The following TOX2 variants were observed in gnomAD, a reference collection of about 807,000 sequenced individuals.
The protein encoded by TOX2 is TOX high mobility group box family member 2.
A neutral mutation model predicts 47.4 loss-of-function variants in TOX2; 15 were observed. The observed-to-expected ratio is 0.32, with a 90% CI of 0.21 to 0.49. TOX2 has a LOEUF of 0.49. Ranked by LOEUF, TOX2 falls within the 20% of genes least tolerant of loss-of-function variation. TOX2 has a pLI of 0.99. For synonymous variants in TOX2, 290 were observed against 296.6 expected (o/e 0.98, Z 0.23); for missense variants, 622 against 673.1 (o/e 0.92, Z 0.84).
chr20:43,953,341 G>C (rs6065676), intron 1 of TOX2, among the ~76,000 whole-genome samples: 62 of 152,174 alleles, frequency 4.1e-4, no homozygotes, highest in African/African-American at 1.4e-3. Context: ...CATAGAAGCC[G>C]CCTCTGTCTG....
chr20:43,938,650 C>T (rs1320813044), intron 1 of TOX2, among the ~76,000 whole-genome samples: 1 of 152,192 alleles, frequency 6.6e-6, no homozygotes, highest in East Asian at 1.9e-4. Flanking sequence ...AGAGCCTCAG[C>T]TCTTTACCCG....
intron 2 of TOX2, among the ~76,000 whole-genome samples, chr20:43,984,215 T>C (rs2070222941): frequency 6.6e-6 from 1 of 152,204 alleles, no homozygotes; most frequent in South Asian, 2.1e-4. Flanking sequence ...AAAATAATTA[T>C]GGTTGTGTTA....
At chr20:43,941,360 T>C (rs1413532515) in intron 1 of TOX2, among the ~76,000 whole-genome samples, 1 of 149,530 alleles carries the variant, frequency 6.7e-6, no homozygotes, top group Non-Finnish European at 1.5e-5. Flanking sequence ...GAGACAGAAT[T>C]TCGCTCTTGT....
intron 3 of TOX2, among the ~76,000 whole-genome samples, chr20:44,008,642 C>T (rs1307299869): frequency 6.6e-6 from 1 of 151,924 alleles, no homozygotes; most frequent in African/African-American, 2.4e-5. Context: ...TTTTTTTATA[C>T]CACAGAAAAA....
intron 1 of TOX2, among the ~76,000 whole-genome samples, chr20:43,959,572 G>A (rs2069723497): frequency 6.6e-6 from 1 of 152,174 alleles, no homozygotes; most frequent in Admixed American, 6.5e-5. Context: ...CGCTGTCGTT[G>A]ACATATTTCC....
At position 44,028,970 on chromosome 20, in the gene TOX2, C is replaced by T. The variant is rs538011995; in HGVS notation, c.411+22178C>T. On this transcript the variant is annotated intron_variant, in intron 3 of 8. Transcript: ENST00000341197. ...GCACAGGGGAACCTGCTGGGCCATC[C>T]CCCACTCACACACCACTCTGGACCC... is the stretch of plus-strand genomic sequence containing the variant. Among the ~76,000 whole-genome samples the T allele has an allele frequency of 1.4e-4, 22 of 152,270 alleles. No homozygotes were observed. In the East Asian group the frequency reaches 2.3e-3, roughly 16 times the overall value.
intron 1 of TOX2, among the ~76,000 whole-genome samples, chr20:43,961,757 G>A (rs1479990784): frequency 6.6e-6 from 1 of 152,064 alleles, no homozygotes; most frequent in Non-Finnish European, 1.5e-5. Context: ...GCTTCGATGA[G>A]ACTCTGGGGA....
At chr20:44,007,039 G>C (rs756833839) in intron 3 of TOX2, among the ~76,000 whole-genome samples, 1 of 152,132 alleles carries the variant, frequency 6.6e-6, no homozygotes, top group Non-Finnish European at 1.5e-5. Flanking sequence ...GGAGCTCTGC[G>C]TACAGTATCT....
At chr20:44,046,837 T>C (rs1476525077) in intron 3 of TOX2, among the ~76,000 whole-genome samples, 4 of 152,210 alleles carry the variant, frequency 2.6e-5, no homozygotes, top group Non-Finnish European at 5.9e-5. Context: ...GACACAATAG[T>C]CTGTATACCA....
intron 1 of TOX2, among the ~76,000 whole-genome samples, chr20:43,952,472 C>G (rs746323548): frequency 3.9e-5 from 6 of 152,338 alleles, no homozygotes; most frequent in African/African-American, 1.2e-4. Context: ...GGGTTGGGCT[C>G]TGCTCCACAG....
At chr20:44,010,517 G>A (rs1668711395) in intron 3 of TOX2, among the ~76,000 whole-genome samples, 1 of 152,218 alleles carries the variant, frequency 6.6e-6, no homozygotes, top group African/African-American at 2.4e-5. Context: ...CAGATAAGGA[G>A]ATGTACATGC....
chr20:44,052,467 G>A (rs529641683), intron 4 of TOX2, among the ~76,000 whole-genome samples: 10 of 152,266 alleles, frequency 6.6e-5, no homozygotes, highest in South Asian at 2.1e-4. Flanking sequence ...TCCTTTCCAC[G>A]TGGTGGCCTC....
intron 1 of TOX2, among the ~76,000 whole-genome samples, chr20:43,943,313 A>T (rs923753847): frequency 1.3e-5 from 2 of 152,126 alleles, no homozygotes; most frequent in African/African-American, 4.8e-5. Context: ...TCTCCTACAG[A>T]TGGTGGGGTT....
chr20:43,980,921 G>T (rs2070159206), intron 2 of TOX2, among the ~76,000 whole-genome samples: 2 of 152,150 alleles, frequency 1.3e-5, no homozygotes, highest in Admixed American at 1.3e-4. Flanking sequence ...GTAGACAAAA[G>T]TTGGGCAAGA....
At chr20:44,021,801 G>GA (rs2070980158) in intron 3 of TOX2, among the ~76,000 whole-genome samples, 1 of 91,454 alleles carries the variant, frequency 1.1e-5, no homozygotes, top group Non-Finnish European at 2.3e-5. Context: ...GCTAATTTTT[G>GA]ATTTTTTTTT....
intron 1 of TOX2, among the ~76,000 whole-genome samples, chr20:43,940,479 C>T (rs1440645280): frequency 6.6e-6 from 1 of 151,872 alleles, no homozygotes; most frequent in Non-Finnish European, 1.5e-5. Context: ...CCATCTCGGC[C>T]TCACAAATTG....
At chr20:43,919,218 A>G (rs998498305) in intron 1 of TOX2, among the ~76,000 whole-genome samples, 3 of 152,240 alleles carry the variant, frequency 2.0e-5, no homozygotes, top group African/African-American at 7.2e-5. Flanking sequence ...TCTTGGTGCT[A>G]GGCACTGTGC....
At chr20:44,001,000 G>C (rs1407401679) in intron 2 of TOX2, among the ~76,000 whole-genome samples, 2 of 152,140 alleles carry the variant, frequency 1.3e-5, no homozygotes, top group Admixed American at 1.3e-4. Context: ...GTGGAAGTGG[G>C]ATGAAAACAT....
chr20:44,016,102 T>C (rs1480485946), intron 3 of TOX2, among the ~76,000 whole-genome samples: 1 of 151,952 alleles, frequency 6.6e-6, no homozygotes, highest in Non-Finnish European at 1.5e-5. Context: ...AACCGTTTGC[T>C]CTGCAGTTTG....
Sources: allele counts gnomAD v4.1 joint callset (sites outside exome capture counted in the v4.1 genomes callset), GRCh38; gene constraint gnomAD v4.1.1; transcripts MANE v1.5; gene names NCBI Gene and HGNC (gene_info 2026-07-23, HGNC 2026-07-21).